Variants in LRMDA observed in about 807,000 individuals in gnomAD.
LRMDA encodes leucine-rich melanocyte differentiation-associated protein.
A neutral mutation model predicts 29.8 loss-of-function variants in LRMDA; 18 were observed. That is an observed-to-expected ratio of 0.60 (90% CI 0.42 to 0.90). LRMDA has a LOEUF of 0.90. Ranked by LOEUF, LRMDA falls within the 40% of genes least tolerant of loss-of-function variation. LRMDA has a pLI of 0.00. For synonymous variants in LRMDA, 125 were observed against 109.4 expected, an observed-to-expected ratio of 1.14 and a Z score of -0.89; for missense variants, 273 against 273.9, an observed-to-expected ratio of 1.00 and a Z score of 0.02.
intron 5 of LRMDA, among the ~76,000 whole-genome samples, chr10:76,168,531 GTGA>G (rs1434814664): frequency 6.6e-6 from 1 of 152,154 alleles, no homozygotes; most frequent in East Asian, 1.9e-4. Context: ...GGCGAACTTG[GTGA>G]TGATCTGAAT....
At chr10:75,726,889 G>C in intron 2 of LRMDA, among the ~76,000 whole-genome samples, 1 of 152,172 alleles carries the variant, frequency 6.6e-6, no homozygotes. Context: ...TCTTCCTTTA[G>C]AGCTTGAGTT....
At chr10:75,593,552 A>C (rs968021034) in intron 2 of LRMDA, among the ~76,000 whole-genome samples, 1 of 152,258 alleles carries the variant, frequency 6.6e-6, no homozygotes, top group Admixed American at 6.5e-5. Context: ...TGTTGACTAA[A>C]GAAAAGTATA....
At chr10:75,509,931 G>T (rs1845209030) in intron 2 of LRMDA, among the ~76,000 whole-genome samples, 1 of 152,184 alleles carries the variant, frequency 6.6e-6, no homozygotes, top group Admixed American at 6.5e-5. Context: ...GTGACTCTGA[G>T]GAAGTCATCT....
intron 5 of LRMDA, among the ~76,000 whole-genome samples, chr10:76,091,644 C>T (rs1473264483): frequency 6.6e-6 from 1 of 152,040 alleles, no homozygotes; most frequent in African/African-American, 2.4e-5. Context: ...GGTGCTTCCT[C>T]CCTGCCATGC....
At chr10:76,373,453 A>G (rs972338583) in intron 6 of LRMDA, among the ~76,000 whole-genome samples, 1 of 152,164 alleles carries the variant, frequency 6.6e-6, no homozygotes, top group Non-Finnish European at 1.5e-5. Flanking sequence ...TCATTATAAT[A>G]GGAGTTTGTA....
intron 6 of LRMDA, among the ~76,000 whole-genome samples, chr10:76,338,986 T>C (rs975712322): frequency 6.6e-6 from 1 of 152,174 alleles, no homozygotes; most frequent in South Asian, 2.1e-4. Flanking sequence ...CAGAAACTTC[T>C]AGAAATACCA....
rs150709531 is a variant in LRMDA, at chr10:76,245,936, A to C, written c.517-78465A>C. On this transcript the variant is annotated intron_variant, in intron 5 of 6. Transcript: ENST00000611255. ...CTATGACAAGTTAACAATTTTATCA[A>C]CAATATAAAAATTAGAGATACGATA... Among the ~76,000 whole-genome samples, 332 of 152,366 alleles carry C rather than the reference A, an allele frequency of 2.2e-3. 2 individuals are homozygous for C. The highest frequency in any genetic ancestry group is 7.3e-3 in the African/African-American group (302 of 41,594).
At chr10:75,443,359 T>C (rs1488459780) in intron 2 of LRMDA, among the ~76,000 whole-genome samples, 1 of 152,180 alleles carries the variant, frequency 6.6e-6, no homozygotes, top group Non-Finnish European at 1.5e-5. Context: ...CTTTATTATG[T>C]TGAGGTAGAT....
In LRMDA at chr10:75,777,811, G is replaced by A. The variant is rs78936044; in HGVS notation, c.132-258197G>A. ...GTTGTGGTCATGATGAAGGCTATGTGACTTAATATATAGGATAGTGTCCAG... is the reference window on the plus strand; with the variant it reads ...GTTGTGGTCATGATGAAGGCTATGTAACTTAATATATAGGATAGTGTCCAG... On this transcript the variant is annotated intron_variant, in intron 2 of 6. Transcript: ENST00000611255. Among the ~76,000 whole-genome samples the A allele has an allele frequency of 9.2e-4, 140 of 152,242 alleles. 1 individual carries two copies. Among genetic ancestry groups the A allele is most frequent in the African/African-American group, 3.3e-3 (136 of 41,524 alleles).
chr10:75,502,498 A>C (rs1165630362), intron 2 of LRMDA, among the ~76,000 whole-genome samples: 1 of 152,096 alleles, frequency 6.6e-6, no homozygotes, highest in Non-Finnish European at 1.5e-5. Context: ...ACTCTTATAC[A>C]GAGAAGAGGA....
chr10:76,015,023 T>C (rs1445143307), intron 2 of LRMDA, among the ~76,000 whole-genome samples: 2 of 152,238 alleles, frequency 1.3e-5, no homozygotes, highest in African/African-American at 4.8e-5. Context: ...CCATTCAAAA[T>C]CTGATGTACA....
In LRMDA at chr10:76,338,173, C is replaced by G. The variant is rs577921123; in HGVS notation, c.601+13688C>G. ...TATAGATTTCCTGCAAGATCACAGCCCAAAACAAATGCAACAGAGTTTCAA... is the reference window on the plus strand; with the variant it reads ...TATAGATTTCCTGCAAGATCACAGCGCAAAACAAATGCAACAGAGTTTCAA... On this transcript the variant is annotated intron_variant, in intron 6 of 6. Coordinates refer to ENST00000611255, the MANE Select transcript of LRMDA (RefSeq NM_001305581.2). 1.8e-3 allele frequency among the ~76,000 whole-genome samples: 280 copies of G among 151,798 alleles called. 1 individual carries two copies. Among genetic ancestry groups the G allele is most frequent in the African/African-American group, 6.5e-3 (269 of 41,410 alleles).
chr10:76,034,886 G>T (rs1332933067), intron 2 of LRMDA, among the ~76,000 whole-genome samples: 1 of 152,160 alleles, frequency 6.6e-6, no homozygotes, highest in East Asian at 1.9e-4. Context: ...CATCTCCTGG[G>T]TCTGGCAGGT....
Position 75,754,505 on chromosome 10 carries a change from A to G in LRMDA, c.132-281503A>G, listed in dbSNP as rs188539183. On this transcript the variant is annotated intron_variant, in intron 2 of 6. Transcript: ENST00000611255. ...CAGTTCAAATGTTTTTCATCTGAAA[A>G]ATTGAATACATTCTTTTTTTCGCCT... Among the ~76,000 whole-genome samples the G allele has an allele frequency of 3.9e-5, 6 of 152,346 alleles. No individual in the cohort carries two copies. The East Asian group carries it at 1.2e-3, about 29-fold the overall frequency.
At chr10:76,530,043 C>A (rs1334731577) in intron 6 of LRMDA, among the ~76,000 whole-genome samples, 1 of 152,116 alleles carries the variant, frequency 6.6e-6, no homozygotes, top group Non-Finnish European at 1.5e-5. Flanking sequence ...GACTTTTGAA[C>A]TTTCCTCTTA....
intron 2 of LRMDA, among the ~76,000 whole-genome samples, chr10:75,884,569 A>T (rs377292884): frequency 1.3e-5 from 2 of 152,218 alleles, no homozygotes; most frequent in African/African-American, 4.8e-5. Context: ...GAATGAGATC[A>T]TGGATAGACA....
At chr10:75,492,527 A>G (rs1378828451) in intron 2 of LRMDA, among the ~76,000 whole-genome samples, 2 of 152,228 alleles carry the variant, frequency 1.3e-5, no homozygotes, top group African/African-American at 4.8e-5. Flanking sequence ...ATTTTTGCTT[A>G]TGAGAAGAGG....
chr10:76,251,434 A>G (rs1852481379), intron 5 of LRMDA, among the ~76,000 whole-genome samples: 2 of 149,982 alleles, frequency 1.3e-5, no homozygotes, highest in East Asian at 3.9e-4. Flanking sequence ...TTGTATTTTT[A>G]GTAGAGACGG....
chr10:75,971,025 C>G (rs1272850209), intron 2 of LRMDA, among the ~76,000 whole-genome samples: 1 of 152,128 alleles, frequency 6.6e-6, no homozygotes, highest in Non-Finnish European at 1.5e-5. Context: ...CCAATGAGCC[C>G]TCCTCAGTGA....
Sources: allele counts gnomAD v4.1 joint callset (sites outside exome capture counted in the v4.1 genomes callset), GRCh38; gene constraint gnomAD v4.1.1; transcripts MANE v1.5; gene names NCBI Gene and HGNC (gene_info 2026-07-23, HGNC 2026-07-21).